The following CALD1 variants were observed in gnomAD, a reference collection of about 807,000 sequenced individuals.
CALD1 encodes the protein caldesmon 1.
In CALD1, 33 loss-of-function variants were observed where a neutral mutation model predicts 99.9. That is an observed-to-expected ratio of 0.33 (90% CI 0.25 to 0.44). The LOEUF (loss-of-function observed/expected upper bound fraction) is 0.44. Ranked by LOEUF, CALD1 falls within the 20% of genes least tolerant of loss-of-function variation. CALD1 has a pLI of 1.00. For missense variants in CALD1, 861 were observed against 962.1 expected (o/e 0.89, Z 1.39); for synonymous variants, 310 against 325.0 (o/e 0.95, Z 0.50).
At chr7:134,955,244 G>T (rs545637017) in intron 9 of CALD1, among the ~76,000 whole-genome samples, 4 of 152,236 alleles carry the variant, frequency 2.6e-5, no homozygotes, top group South Asian at 4.1e-4. Context: ...ACAAAAATTA[G>T]CTGGGCATGG....
At chr7:134,795,836 G>A (rs2347897) in intron 1 of CALD1, among the ~76,000 whole-genome samples, 46,846 of 151,902 alleles carry the variant, frequency 0.31, 7,800 homozygotes, top group East Asian at 0.65. Flanking sequence ...AAGATGCGAC[G>A]GTGGAATGGA....
intron 7 of CALD1, among the ~76,000 whole-genome samples, chr7:134,941,575 A>T (rs1158726491): frequency 6.6e-6 from 1 of 151,962 alleles, no homozygotes; most frequent in Non-Finnish European, 1.5e-5. Context: ...CATGTCATTC[A>T]ATGATTCTCT....
At chr7:134,909,424 T>C (rs1803631846) in intron 3 of CALD1, among the ~76,000 whole-genome samples, 1 of 152,258 alleles carries the variant, frequency 6.6e-6, no homozygotes, top group South Asian at 2.1e-4. Context: ...GGCTCACGCC[T>C]GTAATCCTAG....
At chr7:134,853,871 C>A (rs1800184258) in intron 2 of CALD1, among the ~76,000 whole-genome samples, 1 of 39,830 alleles carries the variant, frequency 2.5e-5, no homozygotes, top group Non-Finnish European at 5.0e-5. Flanking sequence ...CCCCCACCCC[C>A]ACCCCGACAG....
intron 2 of CALD1, among the ~76,000 whole-genome samples, chr7:134,858,790 A>C (rs887094726): frequency 6.6e-6 from 1 of 152,074 alleles, no homozygotes; most frequent in African/African-American, 2.4e-5. Context: ...GGATGGTCTC[A>C]ATCCCCTGAC....
the CALD1 span, among the ~76,000 whole-genome samples, chr7:134,714,107 C>G: frequency 3.3e-5 from 5 of 152,180 alleles, no homozygotes; most frequent in African/African-American, 1.2e-4. Context: ...GATGTGCCTG[C>G]TTCCCCTTTA....
At chr7:134,794,946 G>A (rs568728298) in intron 1 of CALD1, among the ~76,000 whole-genome samples, 1 of 152,126 alleles carries the variant, frequency 6.6e-6, no homozygotes, top group Non-Finnish European at 1.5e-5. Context: ...GTTGTGCAAG[G>A]AAGGCCTGAA....
intron 3 of CALD1, among the ~76,000 whole-genome samples, chr7:134,910,840 G>A (rs1803748613): frequency 6.6e-6 from 1 of 152,140 alleles, no homozygotes; most frequent in East Asian, 1.9e-4. Flanking sequence ...TGAACTCAAG[G>A]GGATTTTCTG....
At chr7:134,905,922 C>CTTTTTT (rs5887716) in intron 3 of CALD1, among the ~76,000 whole-genome samples, 46 of 94,788 alleles carry the variant, frequency 4.9e-4, no homozygotes, top group Non-Finnish European at 6.1e-4. Context: ...CTCTCTATAT[C>CTTTTTT]TTTTTTTTTT....
At chr7:134,932,704 T>C (rs1380349631) in intron 4 of CALD1, among the ~76,000 whole-genome samples, 2 of 152,194 alleles carry the variant, frequency 1.3e-5, no homozygotes, top group Non-Finnish European at 2.9e-5. Context: ...CTGAGGTATC[T>C]AAACACTCAG....
At chr7:134,885,557 CAAAT>C (rs1801816235) in intron 3 of CALD1, among the ~76,000 whole-genome samples, 1 of 152,204 alleles carries the variant, frequency 6.6e-6, no homozygotes, top group Non-Finnish European at 1.5e-5. Flanking sequence ...TGGACACCCA[CAAAT>C]AAATTTATGA....
intron 3 of CALD1, chr7:134,928,006 C>T (rs753152205): frequency 6.5e-5 from 2 of 30,720 alleles, no homozygotes; most frequent in Non-Finnish European, 6.8e-5. Context: ...ACCAAAGTCC[C>T]GGTTGGTAGT....
At chr7:134,962,564 T>C (rs1808360067) in intron 13 of CALD1, among the ~76,000 whole-genome samples, 1 of 152,112 alleles carries the variant, frequency 6.6e-6, no homozygotes, top group African/African-American at 2.4e-5. Context: ...GCTTCCTGAA[T>C]GAGAACCAGA....
At chr7:134,960,498 A>C (rs1371439037) in intron 12 of CALD1, 35 bp from the exon 13 acceptor site, 3 of 1,264,500 alleles carry the variant, frequency 2.4e-6, no homozygotes, top group Non-Finnish European at 1.1e-6. Context: ...AGTTTACTTC[A>C]TTCTTTAATA....
intron 1 of CALD1, among the ~76,000 whole-genome samples, chr7:134,811,183 G>A (rs1285252471): frequency 2.0e-5 from 3 of 152,114 alleles, no homozygotes; most frequent in Non-Finnish European, 4.4e-5. Flanking sequence ...TTCTAGTGCC[G>A]AACACAGCAT....
upstream of CALD1, among the ~76,000 whole-genome samples, chr7:134,776,859 G>A (rs1756764494): frequency 6.6e-6 from 1 of 151,974 alleles, no homozygotes; most frequent in African/African-American, 2.4e-5. Flanking sequence ...ATAATTTCTT[G>A]CTACTGATCT....
At chr7:134,830,175 A>G (rs1799164152) in intron 1 of CALD1, among the ~76,000 whole-genome samples, 2 of 152,088 alleles carry the variant, frequency 1.3e-5, no homozygotes, top group South Asian at 2.1e-4. Context: ...GAATGCTTGC[A>G]CCCTAAGCAT....
chr7:134,845,178 C>T (rs1379267351), intron 2 of CALD1, among the ~76,000 whole-genome samples: 1 of 152,166 alleles, frequency 6.6e-6, no homozygotes, highest in Non-Finnish European at 1.5e-5. Flanking sequence ...GCTCTCATTT[C>T]CCTATGACAT....
intron 1 of CALD1, among the ~76,000 whole-genome samples, chr7:134,799,686 AT>A (rs1261161320): frequency 6.6e-6 from 1 of 152,204 alleles, no homozygotes; most frequent in Non-Finnish European, 1.5e-5. Context: ...AACACGTGTC[AT>A]TCGGATTGGC....
Sources: gnomAD v4.1 joint callset for allele counts (sites outside exome capture counted in the v4.1 genomes callset) on GRCh38, gnomAD v4.1.1 for gene constraint, MANE v1.5 for transcripts, NCBI Gene and HGNC (gene_info 2026-07-23, HGNC 2026-07-21) for gene names.